The following PIEZO2 variants were observed in gnomAD, a reference collection of about 807,000 sequenced individuals.
PIEZO2 encodes piezo type mechanosensitive ion channel component 2.
In PIEZO2, 172 loss-of-function variants were observed where a neutral mutation model predicts 337.3. That is an observed-to-expected ratio of 0.51 (90% confidence interval 0.45 to 0.58). The LOEUF (loss-of-function observed/expected upper bound fraction) is 0.58, where lower values mean the gene tolerates loss of function less well. Among genes scored for constraint, PIEZO2 ranks in the 20% least tolerant of loss-of-function variants. The pLI is 0.00. For synonymous variants in PIEZO2, 1,251 were observed against 1,228.5 expected, an observed-to-expected ratio of 1.02 and a Z score of -0.38; for missense variants, 3,028 against 3,391.3, an observed-to-expected ratio of 0.89 and a Z score of 2.66.
At chr18:11,034,958 A>T (rs9954104) in intron 2 of PIEZO2, among the ~76,000 whole-genome samples, 31,200 of 152,238 alleles carry the variant, frequency 0.2, 3,703 homozygotes, top group African/African-American at 0.32. Flanking sequence ...CCTGACTGCC[A>T]GACAGGTTCC....
chr18:10,982,969 C>T lies in PIEZO2; in HGVS notation c.161-3309G>A, dbSNP rs773045435. ...CTCCTGACCTCAAGAGATCCGCCTG[C>T]CCCAGCCTCCCAAAGTGCTGGGATT... On this transcript the variant is annotated intron_variant, in intron 2 of 55. Coordinates refer to ENST00000674853, the MANE Select transcript of PIEZO2 (RefSeq NM_001378183.1). The surrounding 1 kb of genome is among the most constrained non-coding windows in gnomAD (Gnocchi z 4.1). Among the ~76,000 whole-genome samples, 2 of 152,110 alleles carry T rather than the reference C, an allele frequency of 1.3e-5. No homozygotes were observed. The highest frequency in any genetic ancestry group is 2.4e-5 in the African/African-American group (1 of 41,412).
chr18:11,122,989 AATGTGCGG>A (rs2040072606), intron 1 of PIEZO2, among the ~76,000 whole-genome samples: 1 of 103,070 alleles, frequency 9.7e-6, no homozygotes, highest in African/African-American at 2.6e-5. Context: ...GCATACATAT[AATGTGCGG>A]CTTTTTCCCA....
chr18:10,740,809 C>G, intron 33 of PIEZO2: 1 of 675,058 alleles, frequency 1.5e-6, no homozygotes, highest in Non-Finnish European at 2.7e-6. Flanking sequence ...CTTTCTACAG[C>G]CAGCACAAGA....
intron 3 of PIEZO2, among the ~76,000 whole-genome samples, chr18:10,928,645 C>T (rs144208337): frequency 2.0e-3 from 301 of 152,324 alleles, no homozygotes; most frequent in African/African-American, 7.1e-3. Context: ...GCCTTCATGC[C>T]ATCACATCCT....
intron 1 of PIEZO2, among the ~76,000 whole-genome samples, chr18:11,084,175 TCAAAAAA>T (rs1568359969): frequency 2.2e-5 from 1 of 44,666 alleles, no homozygotes. Context: ...AAACTCTGTC[TCAAAAAA>T]AAAAAAAAAA....
At chr18:10,879,484 C>T (rs1263325610) in intron 4 of PIEZO2, among the ~76,000 whole-genome samples, 1 of 151,332 alleles carries the variant, frequency 6.6e-6, no homozygotes, top group Non-Finnish European at 1.5e-5. Context: ...CAAGCTCCGC[C>T]TCCCGGGTTC....
intron 2 of PIEZO2, among the ~76,000 whole-genome samples, chr18:11,056,357 T>C (rs1376943610): frequency 6.6e-6 from 1 of 152,160 alleles, no homozygotes; most frequent in Non-Finnish European, 1.5e-5. Context: ...AATCACTCCA[T>C]AGCATCCACT....
rs971342623 is a variant in PIEZO2 at position 10,726,437 on chromosome 18, CG to C, written c.5029+4969del. The C allele has an allele frequency of 3.9e-6, 6 of 1,529,790 alleles. No individual in the cohort carries two copies. The highest frequency in any genetic ancestry group is 5.2e-6 in the Non-Finnish European group (6 of 1,144,886). The allele number at this position is 1,529,790 out of a possible 1,614,324, so 94.8% of individuals were successfully genotyped here. On this transcript the variant is annotated intron_variant, in intron 36 of 55. Transcript: ENST00000674853. The surrounding 1 kb of genome is among the most constrained non-coding windows in gnomAD (Gnocchi z 5.9). ...ACAACGCGGAGGGCCGGCTGCGGTA[CG>C]GGCTACGGCCGGCGAACCCCACGAG...
Position 11,028,418 on chromosome 18 carries a change from A to G in PIEZO2, c.160+37709T>C, listed in dbSNP as rs185596446. Among the ~76,000 whole-genome samples, 1 of 151,692 alleles carries G rather than the reference A, an allele frequency of 6.6e-6. No homozygotes were observed. The highest frequency in any genetic ancestry group is 1.5e-5 in the Non-Finnish European group (1 of 67,950). On this transcript the variant is annotated intron_variant, in intron 2 of 55. Coordinates refer to ENST00000674853, the MANE Select transcript of PIEZO2 (RefSeq NM_001378183.1). This position sits in a 1 kb window ranked among gnomAD's most constrained non-coding sequence, Gnocchi z 4.8. Reference sequence around the variant, plus strand: ...TGGAAGTACAGGCACGCACATCCACACCTGGGTAATTTTTGTATTTTTAGT... The same window carrying G: ...TGGAAGTACAGGCACGCACATCCACGCCTGGGTAATTTTTGTATTTTTAGT...
intron 7 of PIEZO2, among the ~76,000 whole-genome samples, chr18:10,839,917 T>C (rs1307834554): frequency 1.3e-5 from 2 of 152,200 alleles, no homozygotes; most frequent in African/African-American, 4.8e-5. Context: ...CAAGCGTATC[T>C]AGGAAAAGAA....
In PIEZO2 at chr18:10,859,712, C is replaced by T. The variant is rs1394940536; in HGVS notation, c.493-2501G>A. On this transcript the variant is annotated intron_variant, in intron 5 of 55. Transcript: ENST00000674853. This position sits in a 1 kb window ranked among gnomAD's most constrained non-coding sequence, Gnocchi z 4.9. ...TTCCATTTAGAGTAAAAATGCTTCC[C>T]TACCTAATTTCTCTTGAACCTACTC... is the stretch of plus-strand genomic sequence containing the variant. Among the ~76,000 whole-genome samples the T allele has an allele frequency of 6.6e-6, 1 of 152,236 alleles. No individual in the cohort carries two copies. The highest frequency in any genetic ancestry group is 2.4e-5 in the African/African-American group (1 of 41,464).
At chr18:10,848,603 C>T (rs1187460235) in intron 7 of PIEZO2, among the ~76,000 whole-genome samples, 1 of 152,164 alleles carries the variant, frequency 6.6e-6, no homozygotes, top group Non-Finnish European at 1.5e-5. Context: ...ATTTTGAAAC[C>T]TCACAATGTA....
At chr18:10,706,951 A>G (rs1224971413) in intron 40 of PIEZO2, among the ~76,000 whole-genome samples, 1 of 152,198 alleles carries the variant, frequency 6.6e-6, no homozygotes, top group African/African-American at 2.4e-5. Flanking sequence ...ATACCAGTAT[A>G]GACATATGGA....
At chr18:11,133,872 CTA>C (rs1417426309) in intron 1 of PIEZO2, among the ~76,000 whole-genome samples, 4 of 151,000 alleles carry the variant, frequency 2.6e-5, no homozygotes, top group African/African-American at 7.3e-5. Flanking sequence ...TCCTCTCTCT[CTA>C]TATATATATA....
chr18:11,123,939 C>T (rs1027992265), intron 1 of PIEZO2, among the ~76,000 whole-genome samples: 4 of 151,866 alleles, frequency 2.6e-5, no homozygotes, highest in African/African-American at 9.7e-5. Flanking sequence ...GTGTTCTCAC[C>T]ACAAAGGAAA....
intron 1 of PIEZO2, among the ~76,000 whole-genome samples, chr18:11,133,808 G>GTATA (rs145467043): frequency 0.01 from 1,529 of 147,038 alleles, 11 homozygotes; most frequent in African/African-American, 0.024. Flanking sequence ...ATATATGTGT[G>GTATA]TATATATATA....
At chr18:10,695,831 T>C (rs1172590138) in intron 47 of PIEZO2, among the ~76,000 whole-genome samples, 2 of 152,224 alleles carry the variant, frequency 1.3e-5, no homozygotes, top group Non-Finnish European at 2.9e-5. Flanking sequence ...CGTTGTTATT[T>C]ATAGAAACCT....
Position 11,032,790 on chromosome 18 carries a change from A to C in PIEZO2, c.160+33337T>G, listed in dbSNP as rs2036788691. On this transcript the variant is annotated intron_variant, in intron 2 of 55. Transcript: ENST00000674853. This position sits in a 1 kb window ranked among gnomAD's most constrained non-coding sequence, Gnocchi z 4.9. ...CATGTTTCCCAACAACTGCCCTTAA[A>C]AGCTTTTGAAGTCAGATCGATAAGA... 6.6e-6 allele frequency among the ~76,000 whole-genome samples: 1 copy of C among 152,218 alleles called. No individual in the cohort carries two copies. Among genetic ancestry groups the C allele is most frequent in the African/African-American group, 2.4e-5 (1 of 41,462 alleles).
chr18:10,990,672 A>G (rs2035053940), intron 2 of PIEZO2, among the ~76,000 whole-genome samples: 1 of 151,466 alleles, frequency 6.6e-6, no homozygotes, highest in South Asian at 2.1e-4. Context: ...TGTGCTCAAT[A>G]TATGTATATT....
Sources: gnomAD v4.1 joint callset for allele counts (sites outside exome capture counted in the v4.1 genomes callset) on GRCh38, gnomAD v4.1.1 for gene constraint, Gnocchi (gnomAD v3.1) non-coding constraint, MANE v1.5 for transcripts, NCBI Gene and HGNC (gene_info 2026-07-23, HGNC 2026-07-21) for gene names.